Variants in CCNT1 observed in about 807,000 individuals in gnomAD.
CCNT1 encodes the protein cyclin T1.
CCNT1 carries 18 observed loss-of-function variants against 67.3 expected under a neutral mutation model. The observed-to-expected ratio is 0.27, with a 90% CI of 0.18 to 0.40. The LOEUF (loss-of-function observed/expected upper bound fraction) is 0.40, where lower values mean the gene tolerates loss of function less well. Ranked by LOEUF, CCNT1 falls within the 10% of genes least tolerant of loss-of-function variation. The pLI is 1.00. For synonymous variants in CCNT1, 333 were observed against 310.3 expected (o/e 1.07, Z -0.77); for missense variants, 744 against 884.9 (o/e 0.84, Z 2.02).
At chr12:48,698,254 T>TC in intron 5 of CCNT1, 71 bp from the exon 6 acceptor site, 1 of 1,098,548 alleles carries the variant, frequency 9.1e-7, no homozygotes, top group South Asian at 1.6e-5. Context: ...TCTCAACAAA[T>TC]ATTTAGTAAG....
rs1940046072 is a variant in CCNT1, at chr12:48,689,889, T to G, written c.*3144A>C. 6.6e-6 allele frequency: 1 copy of G among 152,230 alleles called. No homozygotes were observed. The highest frequency in any genetic ancestry group is 2.4e-5 in the African/African-American group (1 of 41,446). 9.4% of individuals were successfully genotyped at this position (152,230 alleles called of 1,614,324 possible). A position where few individuals can be genotyped will look rare whatever the true frequency, so the allele number is the denominator to read the frequency against. On this transcript the variant is annotated 3_prime_UTR_variant, in exon 9 of 9. Transcript: ENST00000261900. ...TTTCCATATCCTAATCCATTGCTGT[T>G]TGCAACTGGAGATTTAAAATTTTTC...
rs151001424 is a variant in CCNT1 at position 48,688,487 on chromosome 12, G to A, written c.*4546C>T. ...TGTTTTACCATTAACATTTATTGATGGGATGGATAAATACAGATTGAGAAA... is the reference window on the plus strand; with the variant it reads ...TGTTTTACCATTAACATTTATTGATAGGATGGATAAATACAGATTGAGAAA... On this transcript the variant is annotated 3_prime_UTR_variant, in exon 9 of 9. Transcript: ENST00000261900. 6.3e-4 allele frequency: 95 copies of A among 151,952 alleles called. 1 individual carries two copies. Among genetic ancestry groups the A allele is most frequent in the African/African-American group, 2.2e-3 (92 of 41,434 alleles). The allele number at this position is 151,952 out of a possible 1,614,324, so 9.4% of individuals were successfully genotyped here.
chr12:48,696,814 G>A (rs569633255), intron 6 of CCNT1, among the ~76,000 whole-genome samples: 1 of 152,142 alleles, frequency 6.6e-6, no homozygotes, highest in Non-Finnish European at 1.5e-5. Context: ...AAGTCATTTG[G>A]TAATACAAGT....
In CCNT1 at chr12:48,692,896, T is replaced by G. The variant is rs1940098190; in HGVS notation, c.*137A>C. The G allele has an allele frequency of 3.2e-6, 2 of 634,832 alleles. No individual in the cohort carries two copies. Among genetic ancestry groups the G allele is most frequent in the South Asian group, 4.2e-5 (2 of 47,148 alleles). 39.3% of individuals were successfully genotyped at this position (634,832 alleles called of 1,614,324 possible). A position where few individuals can be genotyped will look rare whatever the true frequency, so the allele number is the denominator to read the frequency against. ...TAGCCAAGGCCTTCTACCACCCTCC[T>G]AACTATGTCTCAATATCAATTTATT... On this transcript the variant is annotated 3_prime_UTR_variant, in exon 9 of 9. Coordinates refer to ENST00000261900, the MANE Select transcript of CCNT1 (RefSeq NM_001240.4).
chr12:48,706,530 G>C (rs1436205864), intron 2 of CCNT1, among the ~76,000 whole-genome samples: 1 of 152,108 alleles, frequency 6.6e-6, no homozygotes, highest in Non-Finnish European at 1.5e-5. Flanking sequence ...TTTATAGAAA[G>C]CATTAAGAGG....
At chr12:48,698,723 C>T (rs1479129869) in intron 5 of CCNT1, among the ~76,000 whole-genome samples, 1 of 152,062 alleles carries the variant, frequency 6.6e-6, no homozygotes, top group Admixed American at 6.6e-5. Flanking sequence ...TTTGGGACGC[C>T]GAGGTGGGCG....
At chr12:48,714,557 C>T (rs1042785533) in intron 1 of CCNT1, 33 bp from the exon 2 acceptor site, 1 of 1,407,626 alleles carries the variant, frequency 7.1e-7, no homozygotes, top group Admixed American at 1.7e-5. Context: ...CAAAAACAGG[C>T]AGGTATAATT....
chr12:48,694,196 A>C lies in CCNT1; in HGVS notation c.1018T>G (p.Ser340Ala). ...PGKRWLSSQP[S>A]FKLEPTQGHR... ...CCCTGAGTAGGTTCTAGTTTGAAAG[A>C]AGGTTGGGAGGACAGCCAACGCTTG... The change falls in exon 9 of 9, where the codon TCT becomes GCT. Residue 340 changes from serine (S) to alanine (A), a missense_variant. Physicochemically the swap from Ser to Ala is moderately conservative, Grantham distance 99 (BLOSUM62 1). Coordinates refer to ENST00000261900, the MANE Select transcript of CCNT1 (RefSeq NM_001240.4). 1 of 1,614,208 alleles carries C rather than the reference A, an allele frequency of 6.2e-7. No homozygotes were observed. Among genetic ancestry groups the C allele is most frequent in the Non-Finnish European group, 8.5e-7 (1 of 1,180,040 alleles).
chr12:48,716,441 A>G, intron 1 of CCNT1, 74 bp downstream of exon 1: 14 of 1,406,404 alleles, frequency 1.0e-5, no homozygotes, highest in Non-Finnish European at 1.3e-5. Flanking sequence ...CGTCCCCCCC[A>G]CAGAGCCTGA....
intron 3 of CCNT1, among the ~76,000 whole-genome samples, chr12:48,702,131 A>C (rs559023659): frequency 2.0e-4 from 30 of 152,258 alleles, no homozygotes; most frequent in Non-Finnish European, 3.7e-4. Context: ...CCCTGACCTC[A>C]GGTGATCCAC....
chr12:48,707,785 G>T (rs915104716), intron 2 of CCNT1, among the ~76,000 whole-genome samples: 12 of 152,344 alleles, frequency 7.9e-5, no homozygotes, highest in African/African-American at 2.9e-4. Flanking sequence ...CAGGCTGGGT[G>T]TTGTGGCTCA....
rs777138809 is a variant in CCNT1, at chr12:48,691,775, T to A, written c.*1258A>T. The stretch of plus-strand genomic sequence containing the variant: ...TCACAAGCTCCAATCTCAAGTCATA[T>A]AGGCTGCAAAAACTTGAGGATGTAG... On this transcript the variant is annotated 3_prime_UTR_variant, in exon 9 of 9. Coordinates refer to ENST00000261900, the MANE Select transcript of CCNT1 (RefSeq NM_001240.4). 3 of 152,206 alleles carry A rather than the reference T, an allele frequency of 2.0e-5. No homozygotes were observed. The highest frequency in any genetic ancestry group is 4.4e-5 in the Non-Finnish European group (3 of 68,028). The allele number at this position is 152,206 out of a possible 1,614,324, so 9.4% of individuals were successfully genotyped here. A position where few individuals can be genotyped will look rare whatever the true frequency, so the allele number is the denominator to read the frequency against.
intron 2 of CCNT1, among the ~76,000 whole-genome samples, chr12:48,711,540 A>C (rs948738697): frequency 6.6e-6 from 1 of 152,130 alleles, no homozygotes; most frequent in Non-Finnish European, 1.5e-5. Flanking sequence ...AATAAAAGGG[A>C]AGAATTATAG....
intron 5 of CCNT1, 114 bp from the exon 6 acceptor site, chr12:48,698,297 T>G: frequency 4.3e-6 from 3 of 692,508 alleles, no homozygotes; most frequent in South Asian, 2.3e-5. Context: ...GTGAATATAG[T>G]GGCAAATGAG....
intron 2 of CCNT1, among the ~76,000 whole-genome samples, chr12:48,711,197 T>C (rs879609179): frequency 1.8e-4 from 28 of 151,990 alleles, no homozygotes; most frequent in Non-Finnish European, 2.6e-4. Context: ...CTGGCCAACA[T>C]AGTGAAACCC....
intron 3 of CCNT1, 125 bp downstream of exon 3, chr12:48,705,643 C>T (rs1465747116): frequency 1.3e-6 from 1 of 776,408 alleles, no homozygotes; most frequent in Non-Finnish European, 2.1e-6. Flanking sequence ...ATCTAAACTT[C>T]AATAAATCGA....
At chr12:48,715,200 ATAC>A (rs1940515956) in intron 1 of CCNT1, among the ~76,000 whole-genome samples, 1 of 152,244 alleles carries the variant, frequency 6.6e-6, no homozygotes, top group Admixed American at 6.5e-5. Flanking sequence ...ATTTAACTCC[ATAC>A]TGACAGGATG....
intron 2 of CCNT1, among the ~76,000 whole-genome samples, chr12:48,708,716 CTCTT>C (rs2137240588): frequency 6.6e-6 from 1 of 152,218 alleles, no homozygotes; most frequent in African/African-American, 2.4e-5. Context: ...ACAGGATTAT[CTCTT>C]TATTTCCTGT....
chr12:48,694,231 A>C lies in CCNT1; in HGVS notation c.983T>G (p.Met328Arg). 1 of 1,614,224 alleles carries C rather than the reference A, an allele frequency of 6.2e-7. No homozygotes were observed. Among genetic ancestry groups the C allele is most frequent in the Non-Finnish European group, 8.5e-7 (1 of 1,180,040 alleles). Reference protein sequence around the residue: ...ESSSNLTSVEMLPGKRWLSSQ... With the variant: ...ESSSNLTSVERLPGKRWLSSQ... ...GGACAGCCAACGCTTGCCCGGCAAC[A>C]TCTCCACACTGGTTAAGTTGCTGGA... The change falls in exon 9 of 9, where the codon ATG (methionine) becomes AGG (arginine). Residue 328 changes from methionine (M) to arginine (R), a missense_variant. Met to Arg is a moderately conservative substitution (Grantham distance 91, BLOSUM62 -1). Transcript: ENST00000261900.
Sources: allele counts gnomAD v4.1 joint callset (sites outside exome capture counted in the v4.1 genomes callset), GRCh38; gene constraint gnomAD v4.1.1; transcripts MANE v1.5; gene names NCBI Gene and HGNC (gene_info 2026-07-23, HGNC 2026-07-21).